RUFY1: variants seen among roughly 807,000 people sequenced by gnomAD.
The protein encoded by RUFY1 is RUN and FYVE domain containing 1, also known as RUN and FYVE domain-containing protein 1.
Under a neutral mutation model 94.6 loss-of-function variants are expected in RUFY1, and 54 were observed. The ratio of observed to expected loss-of-function variants is 0.57; its 90% confidence interval spans 0.46 to 0.72. The LOEUF is 0.72. Ranked by LOEUF, RUFY1 falls within the 30% of genes least tolerant of loss-of-function variation. The pLI, the probability that RUFY1 is intolerant of heterozygous loss-of-function variation, is 0.00. For synonymous variants in RUFY1, 396 were observed against 347.3 expected, an observed-to-expected ratio of 1.14 and a Z score of -1.56; for missense variants, 883 against 883.9, an observed-to-expected ratio of 1.00 and a Z score of 0.01.
chr5:179,601,370 T>C (rs950467209), intron 14 of RUFY1, among the ~76,000 whole-genome samples: 8 of 151,946 alleles, frequency 5.3e-5, no homozygotes, highest in Non-Finnish European at 2.9e-5. Flanking sequence ...GGTTGCACCA[T>C]GTTGGCCGGG....
At chr5:179,563,285 GATAATA>G (rs1036730041) in intron 3 of RUFY1, among the ~76,000 whole-genome samples, 12 of 152,062 alleles carry the variant, frequency 7.9e-5, no homozygotes, top group Non-Finnish European at 1.2e-4. Flanking sequence ...TCCATTTTCA[GATAATA>G]ATAATAATAG....
intron 3 of RUFY1, among the ~76,000 whole-genome samples, chr5:179,565,058 G>A (rs1202130114): frequency 2.0e-5 from 3 of 151,844 alleles, no homozygotes; most frequent in African/African-American, 4.8e-5. Flanking sequence ...AACATGTTTC[G>A]GAAATGAACT....
chr5:179,609,206 C>CA (rs5873655), intron 17 of RUFY1, among the ~76,000 whole-genome samples, 170 bp from the exon 18 acceptor site: 42,543 of 120,740 alleles, frequency 0.35, 8,166 homozygotes, highest in East Asian at 0.67. Flanking sequence ...GACTCTATCT[C>CA]AAAAAAAAAA....
intron 15 of RUFY1, chr5:179,602,481 A>G (rs1766541504): frequency 6.5e-6 from 1 of 155,014 alleles, no homozygotes; most frequent in African/African-American, 2.4e-5. Flanking sequence ...AGACCCTGGT[A>G]GTTCTGCTCC....
intron 5 of RUFY1, among the ~76,000 whole-genome samples, chr5:179,570,111 C>T (rs1763115542): frequency 6.6e-6 from 1 of 151,718 alleles, no homozygotes; most frequent in African/African-American, 2.4e-5. Flanking sequence ...ATCTCCTGAC[C>T]TCGTGATCCA....
chr5:179,563,320 G>A (rs1762584419), intron 3 of RUFY1, among the ~76,000 whole-genome samples: 1 of 152,148 alleles, frequency 6.6e-6, no homozygotes, highest in African/African-American at 2.4e-5. Context: ...CTCAGGACCT[G>A]CTCAATGACA....
At chr5:179,607,405 GGCCA>G in intron 16 of RUFY1, 173 bp from the exon 17 acceptor site, 1 of 619,294 alleles carries the variant, frequency 1.6e-6, no homozygotes, top group Non-Finnish European at 2.9e-6. Flanking sequence ...TCCCGGCTGC[GGCCA>G]GACGGGGAAA....
chr5:179,591,555 T>C (rs1266380958), intron 9 of RUFY1, 70 bp from the exon 10 acceptor site: 4 of 938,420 alleles, frequency 4.3e-6, no homozygotes, highest in Non-Finnish European at 6.7e-6. Context: ...GTGGTATATT[T>C]TGAAATACTT....
chr5:179,584,207 C>G (rs1445294108), intron 7 of RUFY1, among the ~76,000 whole-genome samples: 1 of 151,912 alleles, frequency 6.6e-6, no homozygotes, highest in African/African-American at 2.4e-5. Flanking sequence ...TATTTGTCCC[C>G]CGGTTCCTAA....
intron 7 of RUFY1, among the ~76,000 whole-genome samples, chr5:179,583,938 C>CG (rs1468499730): frequency 6.6e-6 from 1 of 150,880 alleles, no homozygotes; most frequent in Non-Finnish European, 1.5e-5. Flanking sequence ...TTAGTAGAGA[C>CG]GGGGTTTCAC....
rs761435942 is a variant in RUFY1, at chr5:179,609,751, G to T, written c.*232G>T. ...CTTCCATCTTACTTGGTTACATCAC[G>T]GCTCTGGTTCAGATACAACTTCATG... On this transcript the variant is annotated 3_prime_UTR_variant, in exon 18 of 18. Coordinates refer to ENST00000319449, the MANE Select transcript of RUFY1 (RefSeq NM_025158.5). 1 of 462,876 alleles carries T rather than the reference G, an allele frequency of 2.2e-6. No homozygotes were observed. The highest frequency in any genetic ancestry group is 3.5e-5 in the East Asian group (1 of 28,272). 28.7% of individuals were successfully genotyped at this position (462,876 alleles called of 1,614,324 possible).
intron 15 of RUFY1, 101 bp from the exon 16 acceptor site, chr5:179,605,775 T>G: frequency 1.2e-6 from 1 of 809,576 alleles, no homozygotes; most frequent in African/African-American, 1.7e-5. Context: ...TCCTCACAAG[T>G]CCGGTATCCT....
chr5:179,551,536 G>A (rs1165114073), intron 1 of RUFY1, among the ~76,000 whole-genome samples: 4 of 151,924 alleles, frequency 2.6e-5, no homozygotes, highest in African/African-American at 9.7e-5. Flanking sequence ...CTGTCGCCCA[G>A]GCTGGAGTGC....
intron 1 of RUFY1, chr5:179,559,632 C>T: frequency 1.0e-6 from 1 of 991,680 alleles, no homozygotes; most frequent in Admixed American, 6.0e-5. Flanking sequence ...GACGCTTTCC[C>T]AGCACGCCCT....
chr5:179,594,482 C>G (rs1255922751), intron 11 of RUFY1, among the ~76,000 whole-genome samples: 2 of 149,048 alleles, frequency 1.3e-5, no homozygotes, highest in South Asian at 4.3e-4. Context: ...AGCATCTAGT[C>G]CGGGCGTGGT....
intron 2 of RUFY1, 124 bp downstream of exon 2, chr5:179,560,322 T>TA: frequency 8.0e-7 from 1 of 1,244,516 alleles, no homozygotes; most frequent in South Asian, 1.6e-5. Context: ...ACAGGCAAGG[T>TA]TCCTGTATTC....
intron 14 of RUFY1, among the ~76,000 whole-genome samples, chr5:179,599,867 A>G (rs1362585075): frequency 6.6e-6 from 1 of 152,218 alleles, no homozygotes; most frequent in African/African-American, 2.4e-5. Context: ...CTGGACCTGG[A>G]TTTTGTTGTG....
At position 179,607,598 on chromosome 5, in the gene RUFY1, A is replaced by G. The variant is rs775410963; in HGVS notation, c.1922A>G (p.Lys641Arg). The change falls in exon 17 of 18, where the codon AAA (lysine) becomes AGA (arginine). Residue 641 changes from lysine to arginine, a missense_variant. By Grantham distance (26) the Lys-to-Arg change is conservative. Coordinates refer to ENST00000319449, the MANE Select transcript of RUFY1 (RefSeq NM_025158.5). ...CCTCTTCAGGGCCACGCCTGGCTGA[A>G]AGATGACGAAGCGACACACTGTAGG... is the stretch of plus-strand genomic sequence containing the variant. Reference protein sequence around the residue: ...NQALKGHAWLKDDEATHCRQC... With the variant: ...NQALKGHAWLRDDEATHCRQC... 2 of 1,614,248 alleles carry G rather than the reference A, an allele frequency of 1.2e-6. No homozygotes were observed. The highest frequency in any genetic ancestry group is 1.7e-6 in the Non-Finnish European group (2 of 1,180,038).
rs550949263 is a variant in RUFY1 at position 179,550,856 on chromosome 5, G to C, written c.287G>C (p.Ser96Thr). 3.3e-6 allele frequency: 4 copies of C among 1,195,106 alleles called. No homozygotes were observed. Among genetic ancestry groups the C allele is most frequent in the Non-Finnish European group, 4.1e-6 (4 of 967,470 alleles). The allele number at this position is 1,195,106 out of a possible 1,614,324, so 74.0% of individuals were successfully genotyped here. Residue 96 changes from serine (S) to threonine (T), a missense_variant, in exon 1 of 18, where the codon AGC (serine) becomes ACC (threonine). Ser to Thr is a moderately conservative substitution (Grantham distance 58, BLOSUM62 1). Coordinates refer to ENST00000319449, the MANE Select transcript of RUFY1 (RefSeq NM_025158.5). ...GCCGCGGGGCTGGGCGGCGGGGACAGCGGGGACGGCACGGCGCGCGCAGGT... is the reference window on the plus strand; with the variant it reads ...GCCGCGGGGCTGGGCGGCGGGGACACCGGGGACGGCACGGCGCGCGCAGGT... ...RAAAGLGGGD[S>T]GDGTARAASK...
Sources: allele counts gnomAD v4.1 joint callset (sites outside exome capture counted in the v4.1 genomes callset), GRCh38; gene constraint gnomAD v4.1.1; transcripts MANE v1.5; gene names NCBI Gene and HGNC (gene_info 2026-07-23, HGNC 2026-07-21).